Variants in KIF14 observed in about 807,000 individuals in gnomAD.
KIF14 encodes kinesin-like protein KIF14.
In KIF14, 98 loss-of-function variants were observed where a neutral mutation model predicts 176.2. That is an observed-to-expected ratio of 0.56 (90% CI 0.47 to 0.66). KIF14 has a LOEUF of 0.66. Ranked by LOEUF, KIF14 falls within the 30% of genes least tolerant of loss-of-function variation. KIF14 has a pLI of 0.00. For missense variants in KIF14, 1,751 were observed against 1,920.4 expected, an observed-to-expected ratio of 0.91 and a Z score of 1.65; for synonymous variants, 566 against 632.2, an observed-to-expected ratio of 0.90 and a Z score of 1.57.
chr1:200,589,812 C>T (rs1658961452), intron 17 of KIF14, among the ~76,000 whole-genome samples: 1 of 151,338 alleles, frequency 6.6e-6, no homozygotes, highest in South Asian at 2.1e-4. Flanking sequence ...CTACCACACC[C>T]AGCTAATGTT....
intron 22 of KIF14, among the ~76,000 whole-genome samples, chr1:200,571,323 A>AG (rs1326503735): frequency 1.3e-5 from 2 of 151,082 alleles, no homozygotes; most frequent in Non-Finnish European, 3.0e-5. Context: ...TCAAAAAGAA[A>AG]AAAAAAAAAA....
Position 200,618,408 on chromosome 1 carries a change from C to T in KIF14, c.316G>A (p.Glu106Lys), listed in dbSNP as rs762465876. 1.9e-6 allele frequency: 3 copies of T among 1,614,146 alleles called. No individual in the cohort carries two copies. Among genetic ancestry groups the T allele is most frequent in the Non-Finnish European group, 2.5e-6 (3 of 1,180,010 alleles). ...GTTTTTTCAGTTGTGTCTTCCAACT[C>T]ACTAACAAGCAAAGATGATTCTTTG... ...RNKESSLLVS[E>K]LEDTTEKTAE... Residue 106 changes from glutamate (E) to lysine (K), a missense_variant, in exon 2 of 30, where the codon GAG (glutamate) becomes AAG (lysine). Transcript: ENST00000367350.
chr1:200,598,498 T>C (rs964761879), intron 13 of KIF14, 77 bp from the exon 14 acceptor site: 3 of 961,354 alleles, frequency 3.1e-6, no homozygotes, highest in Non-Finnish European at 4.6e-6. Context: ...AAATGGTCTA[T>C]ATTAAACATT....
At chr1:200,589,151 C>T (rs892543031) in intron 18 of KIF14, 66 bp downstream of exon 18, 1 of 1,369,258 alleles carries the variant, frequency 7.3e-7, no homozygotes, top group East Asian at 2.3e-5. Flanking sequence ...CCATAAGCCA[C>T]TTCTTTGAAA....
At chr1:200,597,432 C>CAAAAAT (rs1247484825) in intron 14 of KIF14, among the ~76,000 whole-genome samples, 4 of 151,960 alleles carry the variant, frequency 2.6e-5, no homozygotes, top group Non-Finnish European at 5.9e-5. Context: ...CAATAGTAAA[C>CAAAAAT]AAAAATGGCC....
intron 20 of KIF14, 148 bp from the exon 21 acceptor site, chr1:200,580,531 T>C: frequency 2.6e-6 from 1 of 381,552 alleles, no homozygotes; most frequent in Non-Finnish European, 4.5e-6. Flanking sequence ...ATAGTAATAA[T>C]CATATAAGTA....
chr1:200,588,423 T>C (rs1658873486), intron 18 of KIF14, among the ~76,000 whole-genome samples: 1 of 151,976 alleles, frequency 6.6e-6, no homozygotes. Flanking sequence ...GTATTTTTAG[T>C]AGAGACAGGG....
At chr1:200,600,325 C>G in intron 12 of KIF14, 31 bp downstream of exon 12, 1 of 1,606,628 alleles carries the variant, frequency 6.2e-7, no homozygotes, top group South Asian at 1.1e-5. Context: ...GAGCAACACA[C>G]TTAACATTTA....
At position 200,580,401 on chromosome 1, in the gene KIF14, A is replaced by C; in HGVS notation, c.3336-18T>G. The stretch of plus-strand genomic sequence containing the variant: ...TATCATGTCTGAAAGAAAAATAAAC[A>C]AAAAAAAGCTTATCCTGAAACATAC... On this transcript the variant is annotated intron_variant, in intron 20 of 29. Transcript: ENST00000367350. 1.4e-6 allele frequency: 2 copies of C among 1,411,106 alleles called. No homozygotes were observed. Among genetic ancestry groups the C allele is most frequent in the Non-Finnish European group, 1.9e-6 (2 of 1,067,614 alleles). 87.4% of individuals were successfully genotyped at this position (1,411,106 alleles called of 1,614,324 possible).
At chr1:200,593,792 G>GTTAA (rs1558074549) in intron 14 of KIF14, 23 bp from the exon 15 acceptor site, 1 of 1,383,824 alleles carries the variant, frequency 7.2e-7, no homozygotes, top group Admixed American at 1.7e-5. Context: ...GAAGCACATA[G>GTTAA]TTAACAATTA....
At chr1:200,598,201 A>C (rs1200453976) in intron 14 of KIF14, 36 bp downstream of exon 14, 1 of 1,559,864 alleles carries the variant, frequency 6.4e-7, no homozygotes, top group Non-Finnish European at 8.7e-7. Flanking sequence ...GATATAGAAC[A>C]GGTGCCTTTT....
chr1:200,554,448 C>A lies in KIF14; in HGVS notation c.4567+20G>T. On this transcript the variant is annotated intron_variant, in intron 29 of 29. Transcript: ENST00000367350. ...TAAAATATAAAATTCTGATTATAAACTCCATTTGGAGAATCATACCTTTCA... is the reference window on the plus strand; with the variant it reads ...TAAAATATAAAATTCTGATTATAAAATCCATTTGGAGAATCATACCTTTCA... 1 of 1,436,890 alleles carries A rather than the reference C, an allele frequency of 7.0e-7. No homozygotes were observed. Among genetic ancestry groups the A allele is most frequent in the Non-Finnish European group, 9.6e-7 (1 of 1,042,952 alleles). The allele number at this position is 1,436,890 out of a possible 1,614,324, so 89.0% of individuals were successfully genotyped here. A position where few individuals can be genotyped will look rare whatever the true frequency, so the allele number is the denominator to read the frequency against.
At position 200,551,802 on chromosome 1, in the gene KIF14, T is replaced by C. The variant is rs1296597875; in HGVS notation, c.*1586A>G. On this transcript the variant is annotated 3_prime_UTR_variant, in exon 30 of 30. Coordinates refer to ENST00000367350, the MANE Select transcript of KIF14 (RefSeq NM_014875.3). ...CCCGGGAAATCCTCATATGTACATC[T>C]ACACTCCAGCAAACTGCACAGGCAA... is the stretch of plus-strand genomic sequence containing the variant. 1 of 152,238 alleles carries C rather than the reference T, an allele frequency of 6.6e-6. No homozygotes were observed. Among genetic ancestry groups the C allele is most frequent in the Non-Finnish European group, 1.5e-5 (1 of 68,042 alleles). 9.4% of individuals were successfully genotyped at this position (152,238 alleles called of 1,614,324 possible).
At chr1:200,604,648 T>C (rs1325999799) in intron 8 of KIF14, among the ~76,000 whole-genome samples, 2 of 152,092 alleles carry the variant, frequency 1.3e-5, no homozygotes, top group African/African-American at 2.4e-5. Flanking sequence ...GGAACTGTAA[T>C]AGTTAATGGA....
At chr1:200,614,476 G>A in intron 3 of KIF14, 71 bp from the exon 4 acceptor site, 5 of 912,376 alleles carry the variant, frequency 5.5e-6, no homozygotes, top group Non-Finnish European at 6.8e-6. Flanking sequence ...TGGGGAAATA[G>A]GCTGGGAAGG....
intron 18 of KIF14, 30 bp from the exon 19 acceptor site, chr1:200,586,257 A>G: frequency 6.7e-7 from 1 of 1,492,212 alleles, no homozygotes; most frequent in Non-Finnish European, 9.0e-7. Flanking sequence ...ACAGACCCAC[A>G]TGTGAGAATA....
At chr1:200,589,733 C>T (rs1658956828) in intron 17 of KIF14, among the ~76,000 whole-genome samples, 1 of 140,360 alleles carries the variant, frequency 7.1e-6, no homozygotes, top group Admixed American at 7.5e-5. Context: ...TTCACTGCAG[C>T]CTTGACCTCC....
At position 200,569,984 on chromosome 1, in the gene KIF14, G is replaced by C; in HGVS notation, c.3588C>G (p.Asn1196Lys). The C allele has an allele frequency of 1.9e-6, 3 of 1,599,512 alleles. No homozygotes were observed. Among genetic ancestry groups the C allele is most frequent in the South Asian group, 1.1e-5 (1 of 89,310 alleles). ...CATGTAAACAACCAGAAATTCTTCT[G>C]TTCTTCATCAAACTCCTACTCCTGA... The part of the protein sequence containing the change: ...SRRRSRSLMK[N>K]RRISGCLHDI... Residue 1196 changes from asparagine to lysine, a missense_variant, in exon 23 of 30, where the codon AAC becomes AAG. Coordinates refer to ENST00000367350, the MANE Select transcript of KIF14 (RefSeq NM_014875.3).
Position 200,586,201 on chromosome 1 carries a change from A to C in KIF14, c.3141T>G (p.His1047Gln). ...KQALEDHSIR[H>Q]ARILEALETE... ...TTTCTAAAGCTTCCAGAATTCTTGC[A>C]TGGCGGATGCTATGGTCTTCTAAAG... Residue 1047 changes from histidine (H) to glutamine (Q), a missense_variant, in exon 19 of 30, where the codon CAT (histidine) becomes CAG (glutamine). Physicochemically the swap from His to Gln is conservative, Grantham distance 24. Coordinates refer to ENST00000367350, the MANE Select transcript of KIF14 (RefSeq NM_014875.3). The C allele has an allele frequency of 6.3e-7, 1 of 1,598,958 alleles. No homozygotes were observed. The highest frequency in any genetic ancestry group is 8.5e-7 in the Non-Finnish European group (1 of 1,170,354).
Sources: allele counts gnomAD v4.1 joint callset (sites outside exome capture counted in the v4.1 genomes callset), GRCh38; gene constraint gnomAD v4.1.1; transcripts MANE v1.5; gene names NCBI Gene and HGNC (gene_info 2026-07-23, HGNC 2026-07-21).